The following TRIP12 variants were observed in gnomAD, a reference collection of about 807,000 sequenced individuals.
TRIP12 encodes the protein E3 ubiquitin-protein ligase TRIP12.
TRIP12 carries 25 observed loss-of-function variants against 244.2 expected under a neutral mutation model. The observed-to-expected ratio is 0.10, with a 90% CI of 0.07 to 0.14. The LOEUF is 0.14. Among genes scored for constraint, TRIP12 ranks in the 10% least tolerant of loss-of-function variants. The pLI, the probability that TRIP12 is intolerant of heterozygous loss-of-function variation, is 1.00. For missense variants in TRIP12, 1,677 were observed against 2,486.4 expected, an observed-to-expected ratio of 0.67 and a Z score of 6.92; for synonymous variants, 905 against 873.1, an observed-to-expected ratio of 1.04 and a Z score of -0.64.
intron 38 of TRIP12, among the ~76,000 whole-genome samples, chr2:229,772,174 T>C (rs768430504): frequency 1.3e-5 from 2 of 152,214 alleles, no homozygotes; most frequent in African/African-American, 2.4e-5. Flanking sequence ...CAACTCTTAT[T>C]GGTCCAACAT....
At chr2:229,890,555 C>A (rs1309823600) in intron 1 of TRIP12, among the ~76,000 whole-genome samples, 1 of 152,138 alleles carries the variant, frequency 6.6e-6, no homozygotes, top group East Asian at 1.9e-4. Context: ...ACCTGGGGAA[C>A]TGTCAGAAAC....
rs747231654 is a variant in TRIP12 at position 229,792,117 on chromosome 2, T to C, written c.4215+36A>G. The C allele has an allele frequency of 3.1e-6, 5 of 1,614,032 alleles. No individual in the cohort carries two copies. In the South Asian group the frequency reaches 4.4e-5, roughly 14 times the overall value. ...TAAGCCAAAGGCCCTGAACTTTATA[T>C]AGTACATTATACATGGTGGGAATAT... is the stretch of plus-strand genomic sequence containing the variant. On this transcript the variant is annotated intron_variant, in intron 28 of 41. Transcript: ENST00000675903.
At chr2:229,875,252 C>A (rs949462103) in intron 2 of TRIP12, among the ~76,000 whole-genome samples, 3 of 152,074 alleles carry the variant, frequency 2.0e-5, no homozygotes, top group Non-Finnish European at 2.9e-5. Flanking sequence ...TAAATATATC[C>A]TCAGACTCTA....
rs1295219192 is a variant in TRIP12, at chr2:229,828,567, A to C, written c.1450+626T>G. ...TGGGCGGATCACCTGAGGTCAGGAG[A>C]TCGAGATCAGCCATCCAACATAGTG... On this transcript the variant is annotated intron_variant, in intron 8 of 41. Coordinates refer to ENST00000675903, the MANE Select transcript of TRIP12 (RefSeq NM_001348323.3). Among the ~76,000 whole-genome samples the C allele has an allele frequency of 2.0e-5, 3 of 151,896 alleles. No homozygotes were observed. The East Asian group carries it at 5.8e-4, about 29-fold the overall frequency.
intron 33 of TRIP12, among the ~76,000 whole-genome samples, chr2:229,786,132 A>T (rs1389888976): frequency 6.6e-6 from 1 of 152,174 alleles, no homozygotes; most frequent in African/African-American, 2.4e-5. Flanking sequence ...GAAGAAAAAA[A>T]TCGTCTTTGC....
chr2:229,769,429 C>T, intron 39 of TRIP12, 104 bp from the exon 40 acceptor site: 1 of 703,486 alleles, frequency 1.4e-6, no homozygotes. Context: ...AGTCTCAGTA[C>T]TAAAACCTTC....
chr2:229,791,367 C>T (rs1211933345), intron 29 of TRIP12, 116 bp from the exon 30 acceptor site: 1 of 1,191,302 alleles, frequency 8.4e-7, no homozygotes, highest in East Asian at 2.4e-5. Context: ...CTATTCTCCT[C>T]TCTCTCCCTA....
At chr2:229,862,980 A>G (rs1359388869) in intron 2 of TRIP12, among the ~76,000 whole-genome samples, 1 of 152,226 alleles carries the variant, frequency 6.6e-6, no homozygotes, top group Non-Finnish European at 1.5e-5. Context: ...CTGTAATCCC[A>G]GCACTTTGGG....
intron 2 of TRIP12, among the ~76,000 whole-genome samples, chr2:229,874,939 G>T (rs2063324171): frequency 1.3e-5 from 2 of 152,140 alleles, no homozygotes; most frequent in South Asian, 4.1e-4. Context: ...AAAGCACACG[G>T]TATAATAAAA....
intron 1 of TRIP12, among the ~76,000 whole-genome samples, chr2:229,907,271 T>C (rs2073107608): frequency 1.3e-5 from 2 of 152,214 alleles, no homozygotes; most frequent in African/African-American, 4.8e-5. Context: ...CTTCATTTAC[T>C]CATTAAAAAC....
intron 18 of TRIP12, 129 bp downstream of exon 18, chr2:229,805,601 A>G: frequency 2.0e-6 from 2 of 1,010,028 alleles, no homozygotes; most frequent in Admixed American, 6.3e-5. Flanking sequence ...TAAAAAATCG[A>G]AAACCAAATT....
rs573500550 is a variant in TRIP12 at position 229,766,741 on chromosome 2, G to T, written c.*813C>A. On this transcript the variant is annotated 3_prime_UTR_variant, in exon 42 of 42. Coordinates refer to ENST00000675903, the MANE Select transcript of TRIP12 (RefSeq NM_001348323.3). Reference sequence around the variant, plus strand: ...TGTAGACTTCTTAACCTTCATAAAAGAAACAAATGAGCTTTCCTTGTCTCA... The same window carrying T: ...TGTAGACTTCTTAACCTTCATAAAATAAACAAATGAGCTTTCCTTGTCTCA... 1 of 152,156 alleles carries T rather than the reference G, an allele frequency of 6.6e-6. No individual in the cohort carries two copies. Among genetic ancestry groups the T allele is most frequent in the African/African-American group, 2.4e-5 (1 of 41,432 alleles). 9.4% of individuals were successfully genotyped at this position (152,156 alleles called of 1,614,324 possible). A position where few individuals can be genotyped will look rare whatever the true frequency, so the allele number is the denominator to read the frequency against.
chr2:229,792,358 G>C, intron 27 of TRIP12, 132 bp from the exon 28 acceptor site: 1 of 874,258 alleles, frequency 1.1e-6, no homozygotes, highest in Non-Finnish European at 1.8e-6. Flanking sequence ...TGAAATGCTT[G>C]AGCCCAGAAG....
chr2:229,806,352 T>TAACTTTA (rs2045877552), intron 17 of TRIP12, among the ~76,000 whole-genome samples: 2 of 150,074 alleles, frequency 1.3e-5, no homozygotes, highest in Non-Finnish European at 2.9e-5. Context: ...TAAACAAAGA[T>TAACTTTA]AACTTTAAGA....
intron 1 of TRIP12, among the ~76,000 whole-genome samples, chr2:229,886,485 C>A (rs1191940894): frequency 2.0e-5 from 3 of 148,748 alleles, no homozygotes; most frequent in African/African-American, 7.5e-5. Flanking sequence ...TTTTTTGAGA[C>A]GGGATCTCAC....
chr2:229,781,125 G>A (rs546968397), intron 34 of TRIP12, among the ~76,000 whole-genome samples: 1 of 152,258 alleles, frequency 6.6e-6, no homozygotes, highest in East Asian at 1.9e-4. Context: ...AAGGTGGAAG[G>A]CCCAGGTCAT....
intron 4 of TRIP12, among the ~76,000 whole-genome samples, chr2:229,853,934 A>G (rs1056871383): frequency 8.5e-5 from 13 of 152,198 alleles, no homozygotes; most frequent in African/African-American, 2.9e-4. Context: ...AAAGCAATGT[A>G]CATGTATTAA....
chr2:229,863,079 A>C (rs2060720654), intron 2 of TRIP12, among the ~76,000 whole-genome samples: 1 of 151,980 alleles, frequency 6.6e-6, no homozygotes, highest in African/African-American at 2.4e-5. Context: ...AACTACAAAA[A>C]TGAGCCGGGC....
intron 40 of TRIP12, 128 bp downstream of exon 40, chr2:229,769,103 G>C: frequency 1.4e-6 from 1 of 721,102 alleles, no homozygotes. Context: ...CCATTAACAG[G>C]TAGACACATT....
Sources: gnomAD v4.1 joint callset for allele counts (sites outside exome capture counted in the v4.1 genomes callset) on GRCh38, gnomAD v4.1.1 for gene constraint, MANE v1.5 for transcripts, NCBI Gene and HGNC (gene_info 2026-07-23, HGNC 2026-07-21) for gene names.